The following PTPRB variants were observed in gnomAD, a reference collection of about 807,000 sequenced individuals.
PTPRB encodes the protein protein tyrosine phosphatase receptor type B.
In PTPRB, 97 loss-of-function variants were observed where a neutral mutation model predicts 238.1. The ratio of observed to expected loss-of-function variants is 0.41; its 90% CI spans 0.35 to 0.48. PTPRB has a LOEUF of 0.48. Among genes scored for constraint, PTPRB ranks in the 20% least tolerant of loss-of-function variants. The pLI, the probability that PTPRB is intolerant of heterozygous loss-of-function variation, is 0.30. For missense variants in PTPRB, 2,292 were observed against 2,681.9 expected (o/e 0.85, Z 3.21); for synonymous variants, 970 against 995.4 (o/e 0.97, Z 0.48).
intron 27 of PTPRB, chr12:70,538,559 T>C (rs1874536942): frequency 2.1e-5 from 9 of 434,904 alleles, no homozygotes; most frequent in Admixed American, 1.2e-4. Context: ...CTTTACCTAA[T>C]GGGGTAAGGA....
intron 2 of PTPRB, among the ~76,000 whole-genome samples, chr12:70,633,368 A>T (rs1421658895): frequency 6.6e-6 from 1 of 152,102 alleles, no homozygotes; most frequent in East Asian, 1.9e-4. Flanking sequence ...TGAGCCCAGG[A>T]GTTGGAGGCT....
rs748254195 is a variant in PTPRB, at chr12:70,562,722, C to T, written c.4168+122G>A. 3.9e-6 allele frequency: 5 copies of T among 1,270,230 alleles called. No homozygotes were observed. In the Admixed American group the frequency reaches 7.2e-5, roughly 18 times the overall value. The allele number at this position is 1,270,230 out of a possible 1,614,324, so 78.7% of individuals were successfully genotyped here. ...ATTTAGGGTCAAACAGCCTGAAAGT[C>T]ACAAATGCCATATAAAGCTACATCC... On this transcript the variant is annotated intron_variant, in intron 16 of 33. Transcript: ENST00000334414.
chr12:70,576,081 C>T (rs1880652982), intron 11 of PTPRB, among the ~76,000 whole-genome samples: 1 of 152,108 alleles, frequency 6.6e-6, no homozygotes, highest in Admixed American at 6.5e-5. Context: ...ACAATGACTA[C>T]CTCAATAAGG....
At chr12:70,586,456 T>C (rs1175178127) in intron 9 of PTPRB, among the ~76,000 whole-genome samples, 1 of 152,204 alleles carries the variant, frequency 6.6e-6, no homozygotes, top group African/African-American at 2.4e-5. Context: ...AGGATCTTTA[T>C]AGTAGTGTGA....
chr12:70,595,988 A>G, intron 5 of PTPRB, 61 bp downstream of exon 5: 2 of 1,369,604 alleles, frequency 1.5e-6, no homozygotes, highest in East Asian at 2.5e-5. Context: ...TATTCCTTGA[A>G]TAAAGTATAA....
At chr12:70,548,905 A>G (rs1876482854) in intron 21 of PTPRB, among the ~76,000 whole-genome samples, 2 of 152,226 alleles carry the variant, frequency 1.3e-5, no homozygotes, top group South Asian at 2.1e-4. Context: ...CTATCTGGGT[A>G]TTTCTAAATC....
At chr12:70,584,271 T>C (rs1245023293) in intron 9 of PTPRB, among the ~76,000 whole-genome samples, 1 of 152,152 alleles carries the variant, frequency 6.6e-6, no homozygotes, top group Non-Finnish European at 1.5e-5. Context: ...AATATATTGA[T>C]GTGTTCATAT....
chr12:70,565,327 C>T (rs1056739803), intron 15 of PTPRB, among the ~76,000 whole-genome samples: 8 of 152,204 alleles, frequency 5.3e-5, no homozygotes, highest in Non-Finnish European at 8.8e-5. Flanking sequence ...GGCTTTCAGT[C>T]TCACCTTTCC....
In PTPRB at chr12:70,566,839, C is replaced by A. The variant is rs879187978; in HGVS notation, c.3635-135G>T. On this transcript the variant is annotated intron_variant, in intron 14 of 33. Transcript: ENST00000334414. ...TTTATTTGTGTGTCATTGACACTTT[C>A]TGTGTGCCCTTATGGAGAAAAGAGG... is the stretch of plus-strand genomic sequence containing the variant. 22 of 916,218 alleles carry A rather than the reference C, an allele frequency of 2.4e-5. No individual in the cohort carries two copies. The South Asian group carries it at 3.7e-4, about 15-fold the overall frequency. The allele number at this position is 916,218 out of a possible 1,614,324, so 56.8% of individuals were successfully genotyped here.
At position 70,556,137 on chromosome 12, in the gene PTPRB, T is replaced by C. The variant is rs1877637076; in HGVS notation, c.4726A>G (p.Ile1576Val). ...TGAGGCCGGCAATGCAGGTTTTGTA[T>C]CTTGTCAGGCTCTAAAGGAAACAGA... ...FGSVRTKPDK[I>V]QNLHCRPQNS... The change falls in exon 19 of 34, where the codon ATA (isoleucine) becomes GTA (valine). Residue 1576 changes from isoleucine (I) to valine (V), a missense_variant. Ile to Val is a conservative substitution (Grantham distance 29). This residue lies in a region of PTPRB where 683 missense variants were observed against 862.0 expected (regional missense o/e 0.79). Coordinates refer to ENST00000334414, the MANE Select transcript of PTPRB (RefSeq NM_001109754.4). 1.2e-6 allele frequency: 2 copies of C among 1,613,218 alleles called. No homozygotes were observed. The highest frequency in any genetic ancestry group is 1.7e-6 in the Non-Finnish European group (2 of 1,179,410).
rs1881992643 is a variant in PTPRB at position 70,587,102 on chromosome 12, G to A, written c.2216C>T (p.Thr739Ile). ...TCGTCCAGGCACCAGGTCAGTAAAA[G>A]TGAATTCTTTGGCATCTTTGGAGAG... ...KSLSKDAKEF[T>I]FTDLVPGRKY... The change falls in exon 9 of 34, where the codon ACT (threonine) becomes ATT (isoleucine). Residue 739 changes from threonine to isoleucine, a missense_variant. By Grantham distance (89) the Thr-to-Ile change is moderately conservative (BLOSUM62 -1). Transcript: ENST00000334414. 6.2e-7 allele frequency: 1 copy of A among 1,613,798 alleles called. No homozygotes were observed. The highest frequency in any genetic ancestry group is 1.3e-5 in the African/African-American group (1 of 74,940).
At position 70,573,542 on chromosome 12, in the gene PTPRB, T is replaced by C. The variant is rs1474478200; in HGVS notation, c.2843-1455A>G. On this transcript the variant is annotated intron_variant, in intron 11 of 33. Transcript: ENST00000334414. Reference sequence around the variant, plus strand: ...TTTTTTTTGAGACAGAATCTCACTCTCTTGCCCGGGCTGGAGTGCAGTGGT... The same window carrying C: ...TTTTTTTTGAGACAGAATCTCACTCCCTTGCCCGGGCTGGAGTGCAGTGGT... Among the ~76,000 whole-genome samples the C allele has an allele frequency of 2.1e-5, 3 of 144,380 alleles. No homozygotes were observed. The East Asian group carries it at 6.1e-4, about 30-fold the overall frequency. 94.7% of individuals were successfully genotyped at this position (144,380 alleles called of 152,430 possible).
chr12:70,562,940 A>G lies in PTPRB; in HGVS notation c.4072T>C (p.Ser1358Pro). The change falls in exon 16 of 34, where the codon TCT becomes CCT. Residue 1358 changes from serine to proline, a missense_variant. By Grantham distance (74) the Ser-to-Pro change is moderately conservative. Coordinates refer to ENST00000334414, the MANE Select transcript of PTPRB (RefSeq NM_001109754.4). ...CTGCCTTGTAGCAAGTTCTGGAAAG[A>G]GAAGCTCTGGACTAGTGGGTCAACT... ...AQVDPLVQSFSFQNLLQGRMY... is the reference protein window; with the variant it reads ...AQVDPLVQSFPFQNLLQGRMY... 1 of 1,614,036 alleles carries G rather than the reference A, an allele frequency of 6.2e-7. No homozygotes were observed. Among genetic ancestry groups the G allele is most frequent in the Non-Finnish European group, 8.5e-7 (1 of 1,179,892 alleles).
intron 32 of PTPRB, among the ~76,000 whole-genome samples, chr12:70,526,964 A>ATGAT (rs1872536017): frequency 2.0e-5 from 3 of 152,350 alleles, no homozygotes; most frequent in East Asian, 1.9e-4. Context: ...CCCTTTGAAA[A>ATGAT]TGATTACTAC....
intron 15 of PTPRB, among the ~76,000 whole-genome samples, chr12:70,565,662 C>T (rs1879196822): frequency 6.6e-6 from 1 of 152,170 alleles, no homozygotes; most frequent in Non-Finnish European, 1.5e-5. Context: ...CTTTATGTCC[C>T]TGTCAACATA....
intron 20 of PTPRB, among the ~76,000 whole-genome samples, chr12:70,554,615 C>G (rs1877370468): frequency 6.6e-6 from 1 of 152,146 alleles, no homozygotes. Flanking sequence ...TAAAACTATT[C>G]AAAATTCAGT....
At chr12:70,623,378 C>A (rs1885033543) in intron 2 of PTPRB, among the ~76,000 whole-genome samples, 1 of 152,132 alleles carries the variant, frequency 6.6e-6, no homozygotes, top group Admixed American at 6.5e-5. Flanking sequence ...GAATTAGGTT[C>A]ACTTAGCCAT....
At chr12:70,528,031 A>G (rs118131400) in intron 32 of PTPRB, among the ~76,000 whole-genome samples, 1 of 152,356 alleles carries the variant, frequency 6.6e-6, no homozygotes, top group East Asian at 1.9e-4. Context: ...AATGCAATTA[A>G]TGCCATTAAA....
rs1002119248 is a variant in PTPRB, at chr12:70,516,784, A to G, written c.*4705T>C. 6.6e-6 allele frequency: 1 copy of G among 152,222 alleles called. No individual in the cohort carries two copies. The highest frequency in any genetic ancestry group is 1.5e-5 in the Non-Finnish European group (1 of 68,038). The allele number at this position is 152,222 out of a possible 1,614,324, so 9.4% of individuals were successfully genotyped here. A position where few individuals can be genotyped will look rare whatever the true frequency, so the allele number is the denominator to read the frequency against. The stretch of plus-strand genomic sequence containing the variant: ...CTTATATAAGATCATGTGAATTGGC[A>G]TAGAGGTTATAAAAATAATCTTTGG... On this transcript the variant is annotated 3_prime_UTR_variant, in exon 34 of 34. Transcript: ENST00000334414.
Sources: gnomAD v4.1 joint callset for allele counts (sites outside exome capture counted in the v4.1 genomes callset) on GRCh38, gnomAD v4.1.1 for gene constraint, gnomAD v4.1.1 regional missense constraint, MANE v1.5 for transcripts, NCBI Gene and HGNC (gene_info 2026-07-23, HGNC 2026-07-21) for gene names.